TRPM3: variants seen among roughly 807,000 people sequenced by gnomAD.
The protein encoded by TRPM3 is transient receptor potential cation channel subfamily M member 3, also known as long transient receptor potential channel 3.
A neutral mutation model predicts 181.2 loss-of-function variants in TRPM3; 77 were observed. That is an observed-to-expected ratio of 0.42 (90% CI 0.35 to 0.51). TRPM3 has a LOEUF of 0.51. TRPM3 is among the 20% of genes least tolerant of loss of function. The probability of loss-of-function intolerance (pLI) is 0.01; values close to 1 mark genes in which losing one functional copy is unlikely to be tolerated. For synonymous variants in TRPM3, 745 were observed against 796.4 expected (o/e 0.94, Z 1.09); for missense variants, 1,759 against 2,196.7 (o/e 0.80, Z 3.98).
intron 9 of TRPM3, among the ~76,000 whole-genome samples, chr9:70,661,282 C>T (rs180951441): frequency 6.6e-6 from 1 of 152,006 alleles, no homozygotes; most frequent in East Asian, 1.9e-4. Context: ...ATAGAAGGGA[C>T]TTACTTTAAA....
At chr9:70,676,959 A>G (rs1402042871) in intron 9 of TRPM3, among the ~76,000 whole-genome samples, 1 of 108,636 alleles carries the variant, frequency 9.2e-6, no homozygotes, top group Non-Finnish European at 1.8e-5. Flanking sequence ...CCCCCCACCC[A>G]CTTCTCCTGT....
chr9:71,024,613 A>T (rs191332523), intron 1 of TRPM3, among the ~76,000 whole-genome samples: 4 of 152,334 alleles, frequency 2.6e-5, no homozygotes, highest in African/African-American at 9.6e-5. Flanking sequence ...TGGGCAAGTT[A>T]TCGAAACTTC....
At chr9:70,796,346 T>A (rs954963055) in intron 6 of TRPM3, among the ~76,000 whole-genome samples, 3 of 152,192 alleles carry the variant, frequency 2.0e-5, no homozygotes, top group Admixed American at 6.5e-5. Flanking sequence ...ATGTTGCTGG[T>A]GGTATGCATG....
chr9:71,179,312 G>C (rs1245005713), intron 1 of TRPM3, among the ~76,000 whole-genome samples: 1 of 152,100 alleles, frequency 6.6e-6, no homozygotes, highest in Non-Finnish European at 1.5e-5. Flanking sequence ...GCAGGGAAAA[G>C]AAAGGGGCCT....
At chr9:70,806,608 G>A (rs1401973016) in intron 6 of TRPM3, among the ~76,000 whole-genome samples, 1 of 151,890 alleles carries the variant, frequency 6.6e-6, no homozygotes, top group African/African-American at 2.4e-5. Flanking sequence ...AAGAATCGCT[G>A]GAACACGGGA....
intron 22 of TRPM3, among the ~76,000 whole-genome samples, chr9:70,570,459 C>T (rs1230817535): frequency 6.6e-6 from 1 of 152,010 alleles, no homozygotes; most frequent in East Asian, 1.9e-4. Flanking sequence ...CAGGTATGCG[C>T]CACCACGCCC....
intron 12 of TRPM3, among the ~76,000 whole-genome samples, chr9:70,631,018 C>T (rs1178935886): frequency 1.3e-5 from 2 of 152,192 alleles, no homozygotes; most frequent in Non-Finnish European, 2.9e-5. Context: ...AAACTCATAA[C>T]AAGCCTTCAA....
In TRPM3 at chr9:70,786,259, G is replaced by A. The variant is rs534789673; in HGVS notation, c.974-1980C>T. On this transcript the variant is annotated intron_variant, in intron 6 of 25. Coordinates refer to ENST00000677713, the MANE Select transcript of TRPM3 (RefSeq NM_001366145.2). ...GTGGGCGGATCACCAAAGGCCAGGA[G>A]TTTGAGAACAGCCTGGCCAACATGG... 2.8e-4 allele frequency among the ~76,000 whole-genome samples: 39 copies of A among 138,564 alleles called. No individual in the cohort carries two copies. In the Middle Eastern group the frequency reaches 0.013, roughly 45 times the overall value. 90.9% of individuals were successfully genotyped at this position (138,564 alleles called of 152,430 possible).
chr9:71,380,429 G>C (rs567248248), intron 1 of TRPM3, among the ~76,000 whole-genome samples: 1 of 152,096 alleles, frequency 6.6e-6, no homozygotes, highest in South Asian at 2.1e-4. Context: ...CACCACATCT[G>C]AGAATGGAAA....
intron 6 of TRPM3, among the ~76,000 whole-genome samples, chr9:70,812,127 C>T (rs1051679197): frequency 4.6e-5 from 7 of 152,192 alleles, no homozygotes; most frequent in Admixed American, 4.6e-4. Context: ...AACAGCTCTG[C>T]TCTGCCTTCA....
At chr9:70,694,130 C>T (rs1472067959) in intron 8 of TRPM3, among the ~76,000 whole-genome samples, 1 of 152,186 alleles carries the variant, frequency 6.6e-6, no homozygotes, top group Non-Finnish European at 1.5e-5. Flanking sequence ...TGGAAGAAAA[C>T]ATCCATTTCA....
intron 1 of TRPM3, among the ~76,000 whole-genome samples, chr9:70,888,787 T>C (rs563787119): frequency 6.6e-6 from 1 of 152,194 alleles, no homozygotes; most frequent in East Asian, 1.9e-4. Flanking sequence ...TTGCCTAAGT[T>C]AAGGGGTGGT....
intron 1 of TRPM3, among the ~76,000 whole-genome samples, chr9:71,025,967 G>A (rs558767467): frequency 4.5e-4 from 69 of 152,266 alleles, no homozygotes; most frequent in Non-Finnish European, 5.6e-4. Context: ...GGGGTGAGCT[G>A]AACAGGCAAG....
At chr9:70,930,052 TG>T (rs1159758829) in intron 1 of TRPM3, among the ~76,000 whole-genome samples, 3 of 152,184 alleles carry the variant, frequency 2.0e-5, no homozygotes, top group Non-Finnish European at 4.4e-5. Context: ...CAAATCCTAA[TG>T]GTAGTGAATA....
At chr9:70,971,711 G>A (rs1348567584) in intron 1 of TRPM3, among the ~76,000 whole-genome samples, 2 of 152,162 alleles carry the variant, frequency 1.3e-5, no homozygotes, top group Non-Finnish European at 2.9e-5. Context: ...AGGGAAGAAT[G>A]GGGAACATAT....
At chr9:71,184,637 C>G (rs1292506493) in intron 1 of TRPM3, among the ~76,000 whole-genome samples, 1 of 152,108 alleles carries the variant, frequency 6.6e-6, no homozygotes, top group Non-Finnish European at 1.5e-5. Flanking sequence ...TAACCTAGAA[C>G]TAGCCTTTGG....
At chr9:71,183,749 T>C (rs1587830579) in intron 1 of TRPM3, among the ~76,000 whole-genome samples, 1 of 152,058 alleles carries the variant, frequency 6.6e-6, no homozygotes, top group Non-Finnish European at 1.5e-5. Flanking sequence ...ATGAACAATA[T>C]AGGTGGGATC....
intron 1 of TRPM3, among the ~76,000 whole-genome samples, chr9:70,881,287 A>C (rs1382020734): frequency 6.6e-6 from 1 of 152,150 alleles, no homozygotes; most frequent in Non-Finnish European, 1.5e-5. Context: ...GAATTTAAGC[A>C]GTTTTAAATT....
At chr9:70,885,408 C>T (rs2132750829) in intron 1 of TRPM3, among the ~76,000 whole-genome samples, 1 of 152,234 alleles carries the variant, frequency 6.6e-6, no homozygotes, top group East Asian at 1.9e-4. Context: ...TGGTTGAAAA[C>T]CATTGTTCCT....
Sources: allele counts gnomAD v4.1 joint callset (sites outside exome capture counted in the v4.1 genomes callset), GRCh38; gene constraint gnomAD v4.1.1; transcripts MANE v1.5; gene names NCBI Gene and HGNC (gene_info 2026-07-23, HGNC 2026-07-21).